TASP1: variants seen among roughly 807,000 people sequenced by gnomAD.
TASP1 encodes threonine aspartase 1.
Under a neutral mutation model 56.6 loss-of-function variants are expected in TASP1, and 16 were observed. That is an observed-to-expected ratio of 0.28 (90% CI 0.19 to 0.43). The LOEUF is 0.43. TASP1 is among the 20% of genes least tolerant of loss of function. The probability of loss-of-function intolerance (pLI) is 1.00; values close to 1 mark genes in which losing one functional copy is unlikely to be tolerated. For synonymous variants in TASP1, 179 were observed against 184.2 expected, an observed-to-expected ratio of 0.97 and a Z score of 0.23; for missense variants, 393 against 511.6, an observed-to-expected ratio of 0.77 and a Z score of 2.24.
At chr20:13,390,519 G>C in intron 13 of TASP1, 67 bp from the exon 14 acceptor site, 1 of 1,449,288 alleles carries the variant, frequency 6.9e-7, no homozygotes. Flanking sequence ...ACCCCTACCC[G>C]TGTCCAAAAA....
chr20:13,595,973 G>A (rs1325746753), intron 4 of TASP1, among the ~76,000 whole-genome samples: 1 of 152,092 alleles, frequency 6.6e-6, no homozygotes, highest in Non-Finnish European at 1.5e-5. Context: ...CACATAATTG[G>A]AAATAAAGCA....
intron 4 of TASP1, among the ~76,000 whole-genome samples, chr20:13,605,468 G>C (rs563277823): frequency 6.6e-6 from 1 of 151,920 alleles, no homozygotes; most frequent in Non-Finnish European, 1.5e-5. Context: ...ACTCAAGGTC[G>C]GCGGTTTGAG....
At chr20:13,611,974 T>C (rs982763877) in intron 4 of TASP1, among the ~76,000 whole-genome samples, 2 of 151,994 alleles carry the variant, frequency 1.3e-5, no homozygotes, top group African/African-American at 4.8e-5. Context: ...CTTTGTAAGA[T>C]TAAGAAGGTC....
intron 7 of TASP1, among the ~76,000 whole-genome samples, chr20:13,567,766 AG>A (rs1015610437): frequency 6.6e-6 from 1 of 152,210 alleles, no homozygotes; most frequent in African/African-American, 2.4e-5. Flanking sequence ...GTACTGAATA[AG>A]GAATAAAACA....
chr20:13,602,025 C>T (rs924540088), intron 4 of TASP1, among the ~76,000 whole-genome samples: 3 of 151,720 alleles, frequency 2.0e-5, no homozygotes, highest in Admixed American at 6.6e-5. Flanking sequence ...TACAGGTACC[C>T]GCCACCATGC....
At chr20:13,120,490 T>G in the TASP1 span, among the ~76,000 whole-genome samples, 1 of 152,158 alleles carries the variant, frequency 6.6e-6, no homozygotes, top group Non-Finnish European at 1.5e-5. Context: ...TCCAAAAATC[T>G]AGAAAAAAGA....
chr20:13,343,168 G>A, the TASP1 span, among the ~76,000 whole-genome samples: 1 of 152,150 alleles, frequency 6.6e-6, no homozygotes, highest in Admixed American at 6.5e-5. Flanking sequence ...TGGGCAAAAT[G>A]AGAAATTCCT....
At chr20:13,128,939 C>T in the TASP1 span, among the ~76,000 whole-genome samples, 86 of 146,794 alleles carry the variant, frequency 5.9e-4, no homozygotes, top group Non-Finnish European at 1.1e-3. Context: ...TACAATGGTG[C>T]GATCTCAGCT....
At chr20:13,523,283 A>G (rs2044835273) in intron 10 of TASP1, among the ~76,000 whole-genome samples, 1 of 152,154 alleles carries the variant, frequency 6.6e-6, no homozygotes, top group Admixed American at 6.5e-5. Flanking sequence ...GAGTACAAGA[A>G]TGACTGCTGC....
the TASP1 span, among the ~76,000 whole-genome samples, chr20:13,230,471 G>T: frequency 6.6e-6 from 1 of 152,056 alleles, no homozygotes; most frequent in East Asian, 1.9e-4. Context: ...AGTGCTTTCT[G>T]TGGTTCTATT....
the TASP1 span, among the ~76,000 whole-genome samples, chr20:13,223,168 AAAAT>A: frequency 2.3e-5 from 3 of 128,204 alleles, no homozygotes; most frequent in Admixed American, 7.1e-5. Flanking sequence ...AAAAAAAAAT[AAAAT>A]AAAATAAAAT....
the TASP1 span, among the ~76,000 whole-genome samples, chr20:13,312,683 G>A: frequency 6.6e-6 from 1 of 152,114 alleles, no homozygotes; most frequent in Non-Finnish European, 1.5e-5. Context: ...TAATAAGAAA[G>A]CAAACTATGG....
At chr20:13,539,340 T>C (rs1263609250) in intron 8 of TASP1, among the ~76,000 whole-genome samples, 1 of 152,024 alleles carries the variant, frequency 6.6e-6, no homozygotes, top group Non-Finnish European at 1.5e-5. Flanking sequence ...ATGTATACCA[T>C]ATAAAAATCT....
At chr20:13,270,519 GGAA>G in the TASP1 span, 1 of 1,613,204 alleles carries the variant, frequency 6.2e-7, no homozygotes, top group Non-Finnish European at 8.5e-7. Context: ...CCTCAACGTG[GGAA>G]GTGACACCAC....
intron 13 of TASP1, among the ~76,000 whole-genome samples, chr20:13,406,582 G>A (rs985031251): frequency 6.6e-6 from 1 of 151,846 alleles, no homozygotes; most frequent in African/African-American, 2.4e-5. Context: ...CAATTAGTAT[G>A]ATTTTAGCTG....
intron 13 of TASP1, among the ~76,000 whole-genome samples, chr20:13,398,373 TAA>T (rs59833009): frequency 2.1e-5 from 3 of 142,554 alleles, no homozygotes; most frequent in Admixed American, 7.0e-5. Context: ...GCTCTCTCTT[TAA>T]AAAAAAAAAA....
At chr20:13,319,562 G>A in the TASP1 span, among the ~76,000 whole-genome samples, 6 of 152,140 alleles carry the variant, frequency 3.9e-5, no homozygotes, top group South Asian at 1.2e-3. Context: ...AGAAAGACAG[G>A]CAAAATGGCA....
At chr20:13,378,267 C>G in the TASP1 span, among the ~76,000 whole-genome samples, 1 of 152,106 alleles carries the variant, frequency 6.6e-6, no homozygotes, top group African/African-American at 2.4e-5. Flanking sequence ...GATTCTGTTA[C>G]ATTGTGTCTT....
chr20:13,461,966 G>C (rs1568832833), intron 11 of TASP1, among the ~76,000 whole-genome samples: 1 of 152,148 alleles, frequency 6.6e-6, no homozygotes, highest in Non-Finnish European at 1.5e-5. Flanking sequence ...GTCCAGCTAA[G>C]AAATTGTTTC....
Sources: allele counts gnomAD v4.1 joint callset (sites outside exome capture counted in the v4.1 genomes callset), GRCh38; gene constraint gnomAD v4.1.1; transcripts MANE v1.5; gene names NCBI Gene and HGNC (gene_info 2026-07-23, HGNC 2026-07-21).